The following TAF8 variants were observed in gnomAD, a reference collection of about 807,000 sequenced individuals.
TAF8 encodes transcription initiation factor TFIID subunit 8.
In TAF8, 47 loss-of-function variants were observed where a neutral mutation model predicts 36.5. The observed-to-expected ratio is 1.29, with a 90% CI of 1.02 to 1.64. The LOEUF is 1.64. TAF8 is among the 40% of genes most tolerant of loss of function. The probability of loss-of-function intolerance (pLI) is 0.00; values close to 1 mark genes in which losing one functional copy is unlikely to be tolerated. For missense variants in TAF8, 420 were observed against 407.6 expected (o/e 1.03, Z -0.26); for synonymous variants, 175 against 159.5 (o/e 1.10, Z -0.73).
intron 7 of TAF8, among the ~76,000 whole-genome samples, chr6:42,072,721 TTTTG>T (rs749772223): frequency 2.1e-4 from 32 of 152,030 alleles, no homozygotes; most frequent in Non-Finnish European, 3.8e-4. Flanking sequence ...TAACTGGTTT[TTTTG>T]TTTGTTTTTT....
chr6:42,085,184 A>G (rs1017289889), downstream of TAF8, among the ~76,000 whole-genome samples: 5 of 151,870 alleles, frequency 3.3e-5, no homozygotes, highest in African/African-American at 7.3e-5. Context: ...CCCACTTACT[A>G]TCTCTTGGAG....
At chr6:42,064,761 TC>T (rs1009283819) in intron 5 of TAF8, among the ~76,000 whole-genome samples, 49 of 150,458 alleles carry the variant, frequency 3.3e-4, no homozygotes, top group African/African-American at 1.2e-3. Context: ...ATCGAGACCA[TC>T]CTGGCAAACA....
chr6:42,068,358 T>C lies in TAF8; in HGVS notation c.638-107T>C, dbSNP rs191958198. Reference sequence around the variant, plus strand: ...TAAGTACTTGGAGCGAGTTAGCTAGTATTATCTTCTGGTGCTGCTCACTGA... The same window carrying C: ...TAAGTACTTGGAGCGAGTTAGCTAGCATTATCTTCTGGTGCTGCTCACTGA... On this transcript the variant is annotated intron_variant, in intron 6 of 8. Transcript: ENST00000372977. 7.3e-6 allele frequency: 9 copies of C among 1,240,082 alleles called. No homozygotes were observed. In the East Asian group the frequency reaches 2.1e-4, roughly 29 times the overall value. The allele number at this position is 1,240,082 out of a possible 1,614,324, so 76.8% of individuals were successfully genotyped here. A position where few individuals can be genotyped will look rare whatever the true frequency, so the allele number is the denominator to read the frequency against.
rs1765927706 is a variant in TAF8 at position 42,081,593 on chromosome 6, TCTC to T, written c.*4051_*4053del. On this transcript the variant is annotated 3_prime_UTR_variant, in exon 9 of 9. Coordinates refer to ENST00000372977, the MANE Select transcript of TAF8 (RefSeq NM_138572.3). Reference sequence around the variant, plus strand: ...ACTGCATTAGCCAGGATGGTCTCGATCTCCTGACCTCATGATCCGCCCGCCTCG... The same window carrying T: ...ACTGCATTAGCCAGGATGGTCTCGATCTGACCTCATGATCCGCCCGCCTCG... 6.6e-6 allele frequency: 1 copy of T among 152,146 alleles called. No homozygotes were observed. Among genetic ancestry groups the T allele is most frequent in the African/African-American group, 2.4e-5 (1 of 41,420 alleles). 9.4% of individuals were successfully genotyped at this position (152,146 alleles called of 1,614,324 possible). A position where few individuals can be genotyped will look rare whatever the true frequency, so the allele number is the denominator to read the frequency against.
intron 7 of TAF8, among the ~76,000 whole-genome samples, chr6:42,074,090 C>T (rs1765673263): frequency 6.6e-6 from 1 of 152,056 alleles, no homozygotes; most frequent in Non-Finnish European, 1.5e-5. Flanking sequence ...AATTTGAGTC[C>T]AGTTTTGGGC....
rs1336614704 is a variant in TAF8 at position 42,080,524 on chromosome 6, C to T, written c.*2979C>T. On this transcript the variant is annotated 3_prime_UTR_variant, in exon 9 of 9. Coordinates refer to ENST00000372977, the MANE Select transcript of TAF8 (RefSeq NM_138572.3). ...AGTAGCTGGGATTACAGGCACCTAC[C>T]ACAATTCTCGGCTAATTTTTTTTGT... 1 of 464,200 alleles carries T rather than the reference C, an allele frequency of 2.2e-6. No homozygotes were observed. Among genetic ancestry groups the T allele is most frequent in the Non-Finnish European group, 2.8e-6 (1 of 353,958 alleles). The allele number at this position is 464,200 out of a possible 1,614,324, so 28.8% of individuals were successfully genotyped here.
chr6:42,052,431 C>T (rs988304239), intron 2 of TAF8, among the ~76,000 whole-genome samples: 2 of 151,430 alleles, frequency 1.3e-5, no homozygotes, highest in East Asian at 2.0e-4. Flanking sequence ...AAGCAATTCT[C>T]CTGCCACAGC....
chr6:42,058,149 C>T (rs1301563935), intron 5 of TAF8, among the ~76,000 whole-genome samples: 1 of 152,098 alleles, frequency 6.6e-6, no homozygotes, highest in African/African-American at 2.4e-5. Flanking sequence ...TTTGGAAGGC[C>T]GAGGCAGATG....
At chr6:42,056,707 G>T (rs961463052) in intron 4 of TAF8, among the ~76,000 whole-genome samples, 1 of 152,194 alleles carries the variant, frequency 6.6e-6, no homozygotes, top group Non-Finnish European at 1.5e-5. Flanking sequence ...CGAGGTTCAA[G>T]CTATTCTCCT....
intron 5 of TAF8, among the ~76,000 whole-genome samples, chr6:42,058,845 C>T: frequency 6.6e-6 from 1 of 152,198 alleles, no homozygotes; most frequent in East Asian, 1.9e-4. Context: ...CTTGCCTCTT[C>T]CTAGCTTCTG....
At chr6:42,071,303 T>A (rs1765557978) in intron 7 of TAF8, 1 of 217,588 alleles carries the variant, frequency 4.6e-6, no homozygotes, top group East Asian at 1.7e-4. Flanking sequence ...CTTATTTGCC[T>A]GGACATACTT....
At chr6:42,052,664 C>T (rs1344237531) in intron 2 of TAF8, among the ~76,000 whole-genome samples, 1 of 152,046 alleles carries the variant, frequency 6.6e-6, no homozygotes, top group Non-Finnish European at 1.5e-5. Context: ...ATTTAGAAGC[C>T]CGGGTGTGGT....
chr6:42,074,393 G>A (rs1162630097), intron 7 of TAF8, among the ~76,000 whole-genome samples: 1 of 152,188 alleles, frequency 6.6e-6, no homozygotes, highest in Admixed American at 6.5e-5. Context: ...TTGGCGTAGA[G>A]ATGGCACTGA....
At chr6:42,064,605 A>G (rs1441431039) in intron 5 of TAF8, among the ~76,000 whole-genome samples, 2 of 152,066 alleles carry the variant, frequency 1.3e-5, no homozygotes, top group Non-Finnish European at 2.9e-5. Context: ...TTGTTTAAGT[A>G]CAGATGTGAG....
chr6:42,078,913 G>C lies in TAF8; in HGVS notation c.*1368G>C, dbSNP rs1288698935. On this transcript the variant is annotated 3_prime_UTR_variant, in exon 9 of 9. Transcript: ENST00000372977. Reference sequence around the variant, plus strand: ...AAGGCAGGTGGATCACTTGAGGTCAGGAGTTCGAGACCAGCCTGGCCAACA... The same window carrying C: ...AAGGCAGGTGGATCACTTGAGGTCACGAGTTCGAGACCAGCCTGGCCAACA... 1 of 899,732 alleles carries C rather than the reference G, an allele frequency of 1.1e-6. No individual in the cohort carries two copies. The highest frequency in any genetic ancestry group is 1.3e-6 in the Non-Finnish European group (1 of 752,034). The allele number at this position is 899,732 out of a possible 1,614,324, so 55.7% of individuals were successfully genotyped here. A position where few individuals can be genotyped will look rare whatever the true frequency, so the allele number is the denominator to read the frequency against.
downstream of TAF8, among the ~76,000 whole-genome samples, chr6:42,083,957 G>A (rs1048933908): frequency 4.6e-5 from 7 of 152,024 alleles, no homozygotes; most frequent in Non-Finnish European, 8.8e-5. Context: ...AGAGGCGGGC[G>A]GATCACGAGG....
In TAF8 at chr6:42,051,608, C is replaced by A. The variant is rs998102015; in HGVS notation, c.202+95C>A. On this transcript the variant is annotated intron_variant, in intron 2 of 8. Coordinates refer to ENST00000372977, the MANE Select transcript of TAF8 (RefSeq NM_138572.3). ...TGTTTGAGAGGATTTAAGAAACAAA[C>A]TTTTTTCTTAAGAGGGGAGAAAAAA... is the stretch of plus-strand genomic sequence containing the variant. 4.9e-6 allele frequency: 7 copies of A among 1,441,358 alleles called. No homozygotes were observed. The African/African-American group carries it at 5.7e-5, about 12-fold the overall frequency. The allele number at this position is 1,441,358 out of a possible 1,614,324, so 89.3% of individuals were successfully genotyped here.
chr6:42,080,247 TTTG>T lies in TAF8; in HGVS notation c.*2711_*2713del, dbSNP rs199912026. The T allele has an allele frequency of 1.3e-3, 1,274 of 985,546 alleles. 8 individuals carry two copies. In the African/African-American group the frequency reaches 0.019, roughly 14 times the overall value. 61.1% of individuals were successfully genotyped at this position (985,546 alleles called of 1,614,324 possible). A position where few individuals can be genotyped will look rare whatever the true frequency, so the allele number is the denominator to read the frequency against. On this transcript the variant is annotated 3_prime_UTR_variant, in exon 9 of 9. Coordinates refer to ENST00000372977, the MANE Select transcript of TAF8 (RefSeq NM_138572.3). ...CCAGTCAGTGTTTCTGCAGCTTCCA[TTTG>T]TTGTTGTTATCCAGTGTAAGCACCT...
In TAF8 at chr6:42,056,672, G is replaced by A. The variant is rs552877591; in HGVS notation, c.364+658G>A. On this transcript the variant is annotated intron_variant, in intron 4 of 8. Transcript: ENST00000372977. Reference sequence around the variant, plus strand: ...GGCTGGAGTGCAGTGGCACAATCTCGGCTGACTACTGCAACCTCTGCCTCC... The same window carrying A: ...GGCTGGAGTGCAGTGGCACAATCTCAGCTGACTACTGCAACCTCTGCCTCC... Among the ~76,000 whole-genome samples, 9 of 152,150 alleles carry A rather than the reference G, an allele frequency of 5.9e-5. No homozygotes were observed. The East Asian group carries it at 1.2e-3, about 20-fold the overall frequency.
Sources: allele counts gnomAD v4.1 joint callset (sites outside exome capture counted in the v4.1 genomes callset), GRCh38; gene constraint gnomAD v4.1.1; transcripts MANE v1.5; gene names NCBI Gene and HGNC (gene_info 2026-07-23, HGNC 2026-07-21).